TUBA1C: variants seen among roughly 807,000 people sequenced by gnomAD.
TUBA1C encodes tubulin alpha-1C chain.
Under a neutral mutation model 34.9 loss-of-function variants are expected in TUBA1C, and 16 were observed. The ratio of observed to expected loss-of-function variants is 0.46; its 90% confidence interval spans 0.31 to 0.70. The LOEUF (loss-of-function observed/expected upper bound fraction) is 0.70. TUBA1C is among the 30% of genes least tolerant of loss of function. TUBA1C has a pLI of 0.05. For missense variants in TUBA1C, 329 were observed against 587.3 expected, an observed-to-expected ratio of 0.56 and a Z score of 4.55; for synonymous variants, 177 against 215.9, an observed-to-expected ratio of 0.82 and a Z score of 1.58.
At chr12:49,247,014 C>G (rs951522801) in intron 1 of TUBA1C, among the ~76,000 whole-genome samples, 3 of 151,144 alleles carry the variant, frequency 2.0e-5, no homozygotes, top group African/African-American at 7.3e-5. Context: ...GTGGCAGGTA[C>G]CTGTAATCTC....
chr12:49,229,674 GGTGT>G (rs3884374), intron 1 of TUBA1C, among the ~76,000 whole-genome samples: 14 of 150,154 alleles, frequency 9.3e-5, no homozygotes, highest in South Asian at 4.2e-4. Flanking sequence ...TTTGCATAGA[GGTGT>G]GTGTGTGTGT....
chr12:49,271,674 G>C (rs1326995612), intron 3 of TUBA1C, among the ~76,000 whole-genome samples: 1 of 152,166 alleles, frequency 6.6e-6, no homozygotes, highest in Non-Finnish European at 1.5e-5. Flanking sequence ...CTATTCTGTT[G>C]TTCCACCTCA....
intron 1 of TUBA1C, among the ~76,000 whole-genome samples, chr12:49,229,778 TC>T (rs1942477102): frequency 6.6e-6 from 1 of 152,050 alleles, no homozygotes; most frequent in South Asian, 2.1e-4. Context: ...GCTTTTTTTT[TC>T]TTTTTAAATT....
Position 49,273,074 on chromosome 12 carries a change from T to C in TUBA1C, c.1197T>C (p.Tyr399=). The change falls in exon 4 of 4, where the codon TAT becomes TAC. Residue 399 remains tyrosine (Y), a synonymous_variant. Coordinates refer to ENST00000301072, the MANE Select transcript of TUBA1C (RefSeq NM_032704.5). ...ARLDHKFDLM[Y]AKRAFVHWYV... is the part of the protein sequence containing the mutation. ...TGGACCACAAGTTTGACCTGATGTA[T>C]GCCAAGCGTGCCTTTGTTCACTGGT... 2.5e-6 allele frequency: 4 copies of C among 1,614,204 alleles called. No homozygotes were observed. Among genetic ancestry groups the C allele is most frequent in the Non-Finnish European group, 3.4e-6 (4 of 1,180,028 alleles).
intron 1 of TUBA1C, among the ~76,000 whole-genome samples, chr12:49,249,337 G>A (rs1009133507): frequency 2.6e-5 from 4 of 152,048 alleles, no homozygotes; most frequent in Non-Finnish European, 4.4e-5. Flanking sequence ...GGAGGCAGGA[G>A]AATCACTTGA....
At chr12:49,270,161 A>C in intron 3 of TUBA1C, 185 bp downstream of exon 3, 1 of 1,253,542 alleles carries the variant, frequency 8.0e-7, no homozygotes, top group South Asian at 1.3e-5. Flanking sequence ...ACTATGGGGT[A>C]GAAGTAAGTG....
chr12:49,271,992 A>G (rs1016555054), intron 3 of TUBA1C, among the ~76,000 whole-genome samples: 3 of 149,800 alleles, frequency 2.0e-5, no homozygotes, highest in African/African-American at 7.4e-5. Context: ...TTTTGGAGAC[A>G]GGGTCTGCTC....
intron 1 of TUBA1C, among the ~76,000 whole-genome samples, chr12:49,246,203 G>A (rs1441151164): frequency 8.0e-6 from 1 of 124,878 alleles, no homozygotes; most frequent in Non-Finnish European, 1.7e-5. Flanking sequence ...ACTGCATCTG[G>A]CCTAATTGCC....
intron 1 of TUBA1C, among the ~76,000 whole-genome samples, chr12:49,246,186 G>A (rs1942665289): frequency 1.3e-5 from 2 of 149,744 alleles, no homozygotes; most frequent in African/African-American, 2.5e-5. Flanking sequence ...GATTACAGGC[G>A]TGAGCCACTG....
chr12:49,250,397 A>G (rs7976653), intron 1 of TUBA1C, among the ~76,000 whole-genome samples: 8,146 of 149,822 alleles, frequency 0.054, 242 homozygotes, highest in Middle Eastern at 0.087. Flanking sequence ...GGTGGCGGGC[A>G]CCTGTAGTCC....
upstream of TUBA1C, among the ~76,000 whole-genome samples, chr12:49,262,241 T>A: frequency 6.7e-6 from 1 of 149,646 alleles, no homozygotes; most frequent in Non-Finnish European, 1.5e-5. Flanking sequence ...ATAGTGGGAC[T>A]TCATCTTTAC....
intron 1 of TUBA1C, among the ~76,000 whole-genome samples, chr12:49,230,572 A>G (rs1384806969): frequency 6.6e-6 from 1 of 152,236 alleles, no homozygotes; most frequent in Non-Finnish European, 1.5e-5. Context: ...GAAAATGCAC[A>G]GGAGAAGACA....
chr12:49,249,761 G>A (rs1253097759), intron 1 of TUBA1C, among the ~76,000 whole-genome samples: 1 of 151,494 alleles, frequency 6.6e-6, no homozygotes, highest in Admixed American at 6.6e-5. Context: ...CTCGGGTGGG[G>A]ATGCTCATGA....
chr12:49,273,105 G>A lies in TUBA1C; in HGVS notation c.1228G>A (p.Gly410Ser). 2 of 1,614,222 alleles carry A rather than the reference G, an allele frequency of 1.2e-6. No homozygotes were observed. Among genetic ancestry groups the A allele is most frequent in the South Asian group, 1.1e-5 (1 of 91,078 alleles). Reference sequence around the variant, plus strand: ...GCGTGCCTTTGTTCACTGGTACGTGGGTGAGGGGATGGAGGAAGGCGAGTT... The same window carrying A: ...GCGTGCCTTTGTTCACTGGTACGTGAGTGAGGGGATGGAGGAAGGCGAGTT... ...AKRAFVHWYV[G>S]EGMEEGEFSE... Residue 410 changes from glycine to serine, a missense_variant, in exon 4 of 4, where the codon GGT becomes AGT. Gly to Ser is a moderately conservative substitution (Grantham distance 56). Coordinates refer to ENST00000301072, the MANE Select transcript of TUBA1C (RefSeq NM_032704.5).
Position 49,269,955 on chromosome 12 carries a change from G to A in TUBA1C, c.354G>A (p.Val118=), listed in dbSNP as rs558248110. The A allele has an allele frequency of 5.1e-5, 82 of 1,614,244 alleles. 4 individuals are homozygous for A. The South Asian group carries it at 8.5e-4, about 17-fold the overall frequency. ...TTGGCAAGGAGATCATTGACCTCGT[G>A]TTGGACCGAATTCGCAAGCTGGTAA... ...YTIGKEIIDL[V]LDRIRKLADQ... The change falls in exon 3 of 4, where the codon GTG becomes GTA. Residue 118 remains valine, a synonymous_variant. Coordinates refer to ENST00000301072, the MANE Select transcript of TUBA1C (RefSeq NM_032704.5).
At chr12:49,228,637 T>C (rs1942463735) in intron 1 of TUBA1C, among the ~76,000 whole-genome samples, 1 of 152,228 alleles carries the variant, frequency 6.6e-6, no homozygotes, top group African/African-American at 2.4e-5. Context: ...AGAGGCCTGT[T>C]ATCAGCAAAT....
At chr12:49,261,371 CT>C (rs1383447946), upstream of TUBA1C, among the ~76,000 whole-genome samples, 1 of 152,162 alleles carries the variant, frequency 6.6e-6, no homozygotes, top group Non-Finnish European at 1.5e-5. Context: ...CAATAAATGA[CT>C]TTTCTAGGAC....
upstream of TUBA1C, among the ~76,000 whole-genome samples, chr12:49,260,146 C>T (rs936952005): frequency 3.3e-5 from 5 of 152,002 alleles, no homozygotes; most frequent in South Asian, 2.1e-4. Context: ...ATGAGTAGTT[C>T]CTTTTACTTT....
At chr12:49,240,035 GACACACACACACACACAC>G (rs5798100) in intron 1 of TUBA1C, among the ~76,000 whole-genome samples, 11 of 138,682 alleles carry the variant, frequency 7.9e-5, no homozygotes, top group Admixed American at 2.9e-4. Flanking sequence ...TCAGAGCACA[GACACACACACACACACAC>G]ACACACACAC....
Sources: gnomAD v4.1 joint callset for allele counts (sites outside exome capture counted in the v4.1 genomes callset) on GRCh38, gnomAD v4.1.1 for gene constraint, MANE v1.5 for transcripts, NCBI Gene and HGNC (gene_info 2026-07-23, HGNC 2026-07-21) for gene names.